Variants in SWT1 observed in about 807,000 individuals in gnomAD.
SWT1 encodes SWT1 RNA endoribonuclease homolog.
In SWT1, 33 loss-of-function variants were observed where a neutral mutation model predicts 107.3. The ratio of observed to expected loss-of-function variants is 0.31; its 90% CI spans 0.23 to 0.41. The LOEUF is 0.41. SWT1 is among the 10% of genes least tolerant of loss of function. The probability of loss-of-function intolerance (pLI) is 1.00; values close to 1 mark genes in which losing one functional copy is unlikely to be tolerated. For synonymous variants in SWT1, 345 were observed against 348.3 expected, an observed-to-expected ratio of 0.99 and a Z score of 0.11; for missense variants, 898 against 1,028.9, an observed-to-expected ratio of 0.87 and a Z score of 1.74.
At chr1:185,268,658 A>G (rs1663575323) in intron 16 of SWT1, among the ~76,000 whole-genome samples, 1 of 152,168 alleles carries the variant, frequency 6.6e-6, no homozygotes, top group Admixed American at 6.5e-5. Flanking sequence ...AGGGTTGGAC[A>G]TTCACTAGAG....
chr1:185,200,116 C>T (rs962385626), intron 10 of SWT1, among the ~76,000 whole-genome samples: 8 of 151,742 alleles, frequency 5.3e-5, no homozygotes, highest in African/African-American at 1.9e-4. Context: ...TCTTTTTCTC[C>T]GAATTGGTTA....
In SWT1 at chr1:185,163,899, A is replaced by T. The variant is rs189750873; in HGVS notation, c.85-2673A>T. Among the ~76,000 whole-genome samples, 6 of 152,336 alleles carry T rather than the reference A, an allele frequency of 3.9e-5. No individual in the cohort carries two copies. The East Asian group carries it at 1.2e-3, about 29-fold the overall frequency. ...ACAAATCATGAGTGTTCTAAATGGCATCTAGAATGGGGAATCCTTTCTAGA... is the reference window on the plus strand; with the variant it reads ...ACAAATCATGAGTGTTCTAAATGGCTTCTAGAATGGGGAATCCTTTCTAGA... On this transcript the variant is annotated intron_variant, in intron 2 of 18. Coordinates refer to ENST00000367500, the MANE Select transcript of SWT1 (RefSeq NM_017673.7).
intron 16 of SWT1, among the ~76,000 whole-genome samples, chr1:185,258,892 C>A (rs180950023): frequency 6.6e-6 from 1 of 151,994 alleles, no homozygotes; most frequent in Non-Finnish European, 1.5e-5. Flanking sequence ...CCAAATAGTG[C>A]CTCTCTACCA....
At chr1:185,279,427 C>T (rs1664475291) in intron 18 of SWT1, among the ~76,000 whole-genome samples, 1 of 151,830 alleles carries the variant, frequency 6.6e-6, no homozygotes, top group African/African-American at 2.4e-5. Context: ...TCTTTGTTTT[C>T]TTTCCATTTA....
intron 11 of SWT1, among the ~76,000 whole-genome samples, chr1:185,204,303 C>A (rs554177263): frequency 1.3e-5 from 2 of 151,984 alleles, no homozygotes; most frequent in East Asian, 3.9e-4. Context: ...GAAAAATATT[C>A]CATTTTTGGA....
intron 1 of SWT1, among the ~76,000 whole-genome samples, chr1:185,160,476 G>A (rs1654042749): frequency 6.6e-6 from 1 of 152,090 alleles, no homozygotes; most frequent in East Asian, 1.9e-4. Context: ...TGGGAGGCGG[G>A]TGGATAACAA....
intron 9 of SWT1, among the ~76,000 whole-genome samples, 179 bp downstream of exon 9, chr1:185,185,110 TCTC>T (rs1377296683): frequency 6.6e-6 from 1 of 152,206 alleles, no homozygotes; most frequent in Non-Finnish European, 1.5e-5. Context: ...TTTTTCTGCT[TCTC>T]CTAGACGTTT....
At chr1:185,177,156 ACTG>A (rs1655640487) in intron 5 of SWT1, 1 of 517,314 alleles carries the variant, frequency 1.9e-6, no homozygotes, top group Non-Finnish European at 2.5e-6. Context: ...GTTTGTTTTC[ACTG>A]CTTTCTTAAA....
intron 16 of SWT1, chr1:185,263,660 G>T (rs1663185873): frequency 6.6e-6 from 1 of 152,184 alleles, no homozygotes; most frequent in African/African-American, 2.4e-5. Flanking sequence ...CTTTTCATCA[G>T]TCAGAGATTT....
intron 16 of SWT1, among the ~76,000 whole-genome samples, chr1:185,256,223 T>C: frequency 6.6e-6 from 1 of 151,918 alleles, no homozygotes; most frequent in Non-Finnish European, 1.5e-5. Context: ...ATTTTTTCCT[T>C]CATTTCAAGT....
At chr1:185,241,710 T>G (rs879761002) in intron 16 of SWT1, among the ~76,000 whole-genome samples, 24 of 152,090 alleles carry the variant, frequency 1.6e-4, no homozygotes, top group Non-Finnish European at 2.9e-4. Flanking sequence ...ATTTAATGAG[T>G]GTTTTATAGT....
At chr1:185,185,149 T>G (rs1656344765) in intron 9 of SWT1, among the ~76,000 whole-genome samples, 1 of 152,232 alleles carries the variant, frequency 6.6e-6, no homozygotes, top group South Asian at 2.1e-4. Context: ...ATTTCACAGA[T>G]AGTGACTGTA....
intron 13 of SWT1, among the ~76,000 whole-genome samples, chr1:185,212,779 G>A (rs927367175): frequency 1.3e-5 from 2 of 149,156 alleles, no homozygotes; most frequent in Non-Finnish European, 3.0e-5. Context: ...CTCCAGCCTG[G>A]GCAACAAGAG....
At chr1:185,272,633 A>G (rs1465386853) in intron 17 of SWT1, among the ~76,000 whole-genome samples, 1 of 152,162 alleles carries the variant, frequency 6.6e-6, no homozygotes, top group Non-Finnish European at 1.5e-5. Context: ...CCTTATCTCA[A>G]TTTCTTCATC....
intron 9 of SWT1, among the ~76,000 whole-genome samples, chr1:185,189,969 T>G (rs546647838): frequency 3.3e-4 from 50 of 151,988 alleles, no homozygotes; most frequent in African/African-American, 1.2e-3. Flanking sequence ...CTGCCTCAGA[T>G]TCCCAGTAGC....
intron 14 of SWT1, among the ~76,000 whole-genome samples, chr1:185,216,987 G>A (rs1435797981): frequency 6.6e-6 from 1 of 151,580 alleles, no homozygotes; most frequent in African/African-American, 2.4e-5. Flanking sequence ...AAAAAAACCA[G>A]TGACTTGTTA....
rs1029893796 is a variant in SWT1 at position 185,180,380 on chromosome 1, T to G, written c.967-11T>G. 8.1e-6 allele frequency: 13 copies of G among 1,609,238 alleles called. No individual in the cohort carries two copies. The highest frequency in any genetic ancestry group is 1.7e-4 in the Middle Eastern group (1 of 6,026). Reference sequence around the variant, plus strand: ...CTTTATTCTTAGCTAATGAAATTACTTTCATTTCAGAGTTTTGAAGCACCA... The same window carrying G: ...CTTTATTCTTAGCTAATGAAATTACGTTCATTTCAGAGTTTTGAAGCACCA... On this transcript the variant is annotated splice_polypyrimidine_tract_variant and intron_variant, in intron 5 of 18. Coordinates refer to ENST00000367500, the MANE Select transcript of SWT1 (RefSeq NM_017673.7).
In SWT1 at chr1:185,286,585, G is replaced by T. The variant is rs143876207; in HGVS notation, c.2574-4089G>T. Among the ~76,000 whole-genome samples the T allele has an allele frequency of 6.4e-3, 978 of 152,140 alleles. 8 individuals are homozygous for T. Among genetic ancestry groups the T allele is most frequent in the African/African-American group, 0.021 (888 of 41,510 alleles). On this transcript the variant is annotated intron_variant, in intron 18 of 18. Coordinates refer to ENST00000367500, the MANE Select transcript of SWT1 (RefSeq NM_017673.7). ...TCCCGAGTATTTTATTATTTTTGATGCTATCATAAGTGGAATTATTTCCTT... is the reference window on the plus strand; with the variant it reads ...TCCCGAGTATTTTATTATTTTTGATTCTATCATAAGTGGAATTATTTCCTT...
At chr1:185,284,042 A>G (rs1664805009) in intron 18 of SWT1, among the ~76,000 whole-genome samples, 1 of 152,226 alleles carries the variant, frequency 6.6e-6, no homozygotes, top group South Asian at 2.1e-4. Context: ...CAGAAGCTAC[A>G]CTATTTTACA....
Sources: gnomAD v4.1 joint callset for allele counts (sites outside exome capture counted in the v4.1 genomes callset) on GRCh38, gnomAD v4.1.1 for gene constraint, MANE v1.5 for transcripts, NCBI Gene and HGNC (gene_info 2026-07-23, HGNC 2026-07-21) for gene names.